Variants in GUCY1A2 observed in about 807,000 individuals in gnomAD.
GUCY1A2 encodes guanylate cyclase 1 soluble subunit alpha 2, also known as guanylate cyclase soluble subunit alpha-2.
Under a neutral mutation model 63.5 loss-of-function variants are expected in GUCY1A2, and 27 were observed. The observed-to-expected ratio is 0.43, with a 90% CI of 0.31 to 0.59. The LOEUF (loss-of-function observed/expected upper bound fraction) is 0.59. Ranked by LOEUF, GUCY1A2 falls within the 20% of genes least tolerant of loss-of-function variation. The pLI, the probability that GUCY1A2 is intolerant of heterozygous loss-of-function variation, is 0.11. For synonymous variants in GUCY1A2, 364 were observed against 343.5 expected (o/e 1.06, Z -0.66); for missense variants, 768 against 913.3 (o/e 0.84, Z 2.05).
chr11:106,860,653 AT>A (rs1442820171), intron 4 of GUCY1A2, among the ~76,000 whole-genome samples: 1 of 151,976 alleles, frequency 6.6e-6, no homozygotes, highest in African/African-American at 2.4e-5. Context: ...GGTGACCCAG[AT>A]TTTGTGGTCT....
chr11:106,986,423 T>C (rs1288095716), intron 1 of GUCY1A2, among the ~76,000 whole-genome samples: 1 of 152,122 alleles, frequency 6.6e-6, no homozygotes, highest in Non-Finnish European at 1.5e-5. Flanking sequence ...ATTGGCTGCC[T>C]ACAATAAACC....
intron 5 of GUCY1A2, among the ~76,000 whole-genome samples, chr11:106,792,602 G>T (rs1356067542): frequency 6.6e-6 from 1 of 152,092 alleles, no homozygotes; most frequent in Non-Finnish European, 1.5e-5. Flanking sequence ...AATAGGTATT[G>T]AAGGAACATA....
At chr11:106,885,661 T>C (rs949996076) in intron 4 of GUCY1A2, among the ~76,000 whole-genome samples, 3 of 152,150 alleles carry the variant, frequency 2.0e-5, no homozygotes, top group South Asian at 2.1e-4. Flanking sequence ...TCCCCACATA[T>C]AAAATAGGGA....
rs189620772 is a variant in GUCY1A2, at chr11:106,750,261, C to T, written c.1836+26178G>A. Among the ~76,000 whole-genome samples, 773 of 152,144 alleles carry T rather than the reference C, an allele frequency of 5.1e-3. 5 individuals carry two copies. The highest frequency in any genetic ancestry group is 8.8e-3 in the Non-Finnish European group (600 of 67,982). On this transcript the variant is annotated intron_variant, in intron 6 of 7. Coordinates refer to ENST00000526355, the MANE Select transcript of GUCY1A2 (RefSeq NM_000855.3). The stretch of plus-strand genomic sequence containing the variant: ...AGAGCCGGCAGATTTAGCAAGCCAG[C>T]TTATCCCACCTTCTTCCCCCTGCTT...
At chr11:106,869,552 A>G (rs984551885) in intron 4 of GUCY1A2, among the ~76,000 whole-genome samples, 5 of 152,238 alleles carry the variant, frequency 3.3e-5, no homozygotes, top group African/African-American at 4.8e-5. Context: ...TCATAACCAC[A>G]GTGAGATAAC....
intron 6 of GUCY1A2, among the ~76,000 whole-genome samples, chr11:106,755,959 C>CCACA (rs1565279410): frequency 2.4e-4 from 36 of 152,224 alleles, no homozygotes; most frequent in African/African-American, 7.5e-4. Context: ...TTAAATTCTC[C>CCACA]GATTACTAAT....
intron 4 of GUCY1A2, among the ~76,000 whole-genome samples, chr11:106,900,375 G>C (rs933183279): frequency 3.9e-5 from 6 of 152,004 alleles, no homozygotes; most frequent in African/African-American, 1.5e-4. Flanking sequence ...GTAGAGACGG[G>C]GTTTTGCCAC....
At chr11:106,893,064 C>T (rs1859996379) in intron 4 of GUCY1A2, among the ~76,000 whole-genome samples, 1 of 152,128 alleles carries the variant, frequency 6.6e-6, no homozygotes, top group African/African-American at 2.4e-5. Context: ...ATAGGAAAAT[C>T]TTCTTCCCAA....
intron 4 of GUCY1A2, among the ~76,000 whole-genome samples, chr11:106,897,865 T>C (rs1326440270): frequency 2.0e-5 from 3 of 151,874 alleles, no homozygotes; most frequent in African/African-American, 7.3e-5. Flanking sequence ...TTGACTTCAT[T>C]AAAATTAAAA....
chr11:106,816,402 GAAATT>G (rs1858832799), intron 4 of GUCY1A2, among the ~76,000 whole-genome samples: 1 of 151,688 alleles, frequency 6.6e-6, no homozygotes, highest in African/African-American at 2.4e-5. Context: ...ATTGTTAACA[GAAATT>G]AAATTGCATA....
At chr11:106,772,984 C>T (rs904636780) in intron 6 of GUCY1A2, among the ~76,000 whole-genome samples, 1 of 152,126 alleles carries the variant, frequency 6.6e-6, no homozygotes, top group Non-Finnish European at 1.5e-5. Flanking sequence ...TCCATATTTT[C>T]CCATTTTCAT....
intron 4 of GUCY1A2, among the ~76,000 whole-genome samples, chr11:106,894,313 A>G (rs1860016453): frequency 2.0e-5 from 3 of 152,208 alleles, no homozygotes; most frequent in African/African-American, 7.2e-5. Context: ...ACAAAAACTG[A>G]TAAAAGTTTA....
intron 6 of GUCY1A2, among the ~76,000 whole-genome samples, chr11:106,752,562 C>T (rs1025003340): frequency 2.6e-5 from 4 of 151,986 alleles, no homozygotes; most frequent in African/African-American, 9.7e-5. Context: ...CTCCCTGTGC[C>T]CATGTGTTCT....
intron 6 of GUCY1A2, among the ~76,000 whole-genome samples, chr11:106,742,854 C>CT (rs555290056): frequency 7.0e-4 from 107 of 152,290 alleles, no homozygotes; most frequent in African/African-American, 2.4e-3. Flanking sequence ...TAAACAGATA[C>CT]TACTTTCAAT....
In GUCY1A2 at chr11:106,675,621, A is replaced by G. The variant is rs894612640; in HGVS notation, c.*11928T>C. The G allele has an allele frequency of 5.9e-5, 11 of 187,428 alleles. No homozygotes were observed. In the Admixed American group the frequency reaches 6.2e-4, roughly 11 times the overall value. The allele number at this position is 187,428 out of a possible 1,614,324, so 11.6% of individuals were successfully genotyped here. On this transcript the variant is annotated 3_prime_UTR_variant, in exon 8 of 8. Transcript: ENST00000526355. ...CAACCATATTTCTTCTATTTTTACA[A>G]TCATTATTAAAATATTTCCCTAAAG...
At chr11:107,007,724 T>C (rs914041444) in intron 1 of GUCY1A2, among the ~76,000 whole-genome samples, 2 of 152,154 alleles carry the variant, frequency 1.3e-5, no homozygotes, top group African/African-American at 4.8e-5. Flanking sequence ...ACACTATCCC[T>C]CCCTGTGCCA....
intron 4 of GUCY1A2, among the ~76,000 whole-genome samples, chr11:106,847,883 G>C (rs1412533569): frequency 6.6e-6 from 1 of 151,514 alleles, no homozygotes; most frequent in Non-Finnish European, 1.5e-5. Context: ...CTAACCCAAT[G>C]TATTAAATGG....
At chr11:106,960,664 T>G (rs1044398369) in intron 3 of GUCY1A2, among the ~76,000 whole-genome samples, 1 of 152,214 alleles carries the variant, frequency 6.6e-6, no homozygotes, top group Non-Finnish European at 1.5e-5. Context: ...AAATACGGAC[T>G]GGATACTGGT....
At chr11:106,781,112 CAAAAAAAA>C (rs565279937) in intron 5 of GUCY1A2, among the ~76,000 whole-genome samples, 2 of 89,030 alleles carry the variant, frequency 2.2e-5, no homozygotes, top group Non-Finnish European at 4.6e-5. Context: ...AAACAGACTA[CAAAAAAAA>C]AAAAAAAAAA....
Sources: allele counts gnomAD v4.1 joint callset (sites outside exome capture counted in the v4.1 genomes callset), GRCh38; gene constraint gnomAD v4.1.1; transcripts MANE v1.5; gene names NCBI Gene and HGNC (gene_info 2026-07-23, HGNC 2026-07-21).